The following CAMTA1 variants were observed in gnomAD, a reference collection of about 807,000 sequenced individuals.
CAMTA1 encodes calmodulin binding transcription activator 1.
Under a neutral mutation model 170.9 loss-of-function variants are expected in CAMTA1, and 27 were observed. The ratio of observed to expected loss-of-function variants is 0.16; its 90% CI spans 0.12 to 0.22. CAMTA1 has a LOEUF of 0.22. CAMTA1 is among the 10% of genes least tolerant of loss of function. The pLI is 1.00. For synonymous variants in CAMTA1, 833 were observed against 891.5 expected (o/e 0.93, Z 1.17); for missense variants, 1,619 against 2,217.2 (o/e 0.73, Z 5.42).
chr1:7,028,234 T>C (rs1218290653), intron 3 of CAMTA1, among the ~76,000 whole-genome samples: 2 of 152,170 alleles, frequency 1.3e-5, no homozygotes, highest in Admixed American at 6.5e-5. Flanking sequence ...CTGACACTTT[T>C]CTGGGCCCAA....
At position 7,021,269 on chromosome 1, in the gene CAMTA1, G is replaced by A. The variant is rs1181043182; in HGVS notation, c.235-70035G>A. Among the ~76,000 whole-genome samples the A allele has an allele frequency of 5.9e-5, 9 of 152,378 alleles. No homozygotes were observed. The East Asian group carries it at 1.5e-3, about 26-fold the overall frequency. On this transcript the variant is annotated intron_variant, in intron 3 of 22. Coordinates refer to ENST00000303635, the MANE Select transcript of CAMTA1 (RefSeq NM_015215.4). ...GTGAAAAATGGGGCGGTGCGATGGAGTAGGAAGGTGCGGGGTCTCTGCTGG... is the reference window on the plus strand; with the variant it reads ...GTGAAAAATGGGGCGGTGCGATGGAATAGGAAGGTGCGGGGTCTCTGCTGG...
At chr1:7,337,595 A>C (rs112693740) in intron 5 of CAMTA1, among the ~76,000 whole-genome samples, 11 of 123,546 alleles carry the variant, frequency 8.9e-5, no homozygotes, top group Admixed American at 4.1e-4. Context: ...CAGTGTGGGC[A>C]GTGGGCCTCA....
At chr1:6,939,805 G>C (rs1686112938) in intron 3 of CAMTA1, among the ~76,000 whole-genome samples, 1 of 152,256 alleles carries the variant, frequency 6.6e-6, no homozygotes, top group Non-Finnish European at 1.5e-5. Flanking sequence ...TCCTCTCCAA[G>C]GCTTCTGCCT....
intron 5 of CAMTA1, among the ~76,000 whole-genome samples, chr1:7,445,895 T>C (rs2092667321): frequency 6.6e-6 from 1 of 152,092 alleles, no homozygotes; most frequent in South Asian, 2.1e-4. Flanking sequence ...GATGGTGTCA[T>C]GAATGGAGCT....
At chr1:7,362,536 G>A (rs1402804167) in intron 5 of CAMTA1, among the ~76,000 whole-genome samples, 11 of 151,356 alleles carry the variant, frequency 7.3e-5, no homozygotes, top group Admixed American at 2.0e-4. Flanking sequence ...CATGGGTACC[G>A]ATGGTGACCT....
chr1:7,514,831 C>T (rs948912717), intron 6 of CAMTA1, among the ~76,000 whole-genome samples: 1 of 152,160 alleles, frequency 6.6e-6, no homozygotes, highest in African/African-American at 2.4e-5. Flanking sequence ...CCAAGAGGCC[C>T]GCCCCCCACC....
At chr1:7,461,824 ATAC>A (rs1395573987) in intron 5 of CAMTA1, among the ~76,000 whole-genome samples, 1 of 152,262 alleles carries the variant, frequency 6.6e-6, no homozygotes, top group Non-Finnish European at 1.5e-5. Flanking sequence ...ATGCATGCTC[ATAC>A]TCAGGACCAG....
At chr1:7,422,259 C>G (rs928042924) in intron 5 of CAMTA1, among the ~76,000 whole-genome samples, 1 of 151,962 alleles carries the variant, frequency 6.6e-6, no homozygotes, top group Non-Finnish European at 1.5e-5. Context: ...ATGCTAGGAG[C>G]TGAAGGGAGA....
Position 7,498,406 on chromosome 1 carries a change from A to AGTGTGTATGAGTGTGTGGATGTGC in CAMTA1, c.510+30523_510+30546dup, listed in dbSNP as rs1557818451. Among the ~76,000 whole-genome samples the AGTGTGTATGAGTGTGTGGATGTGC allele has an allele frequency of 8.4e-5, 12 of 143,438 alleles. No individual in the cohort carries two copies. In the East Asian group the frequency reaches 2.5e-3, roughly 30 times the overall value. 94.1% of individuals were successfully genotyped at this position (143,438 alleles called of 152,430 possible). The stretch of plus-strand genomic sequence containing the variant: ...GGATGTGTGTGAGTGAATGTGTATG[A>AGTGTGTATGAGTGTGTGGATGTGC]GTGTGTATGAGTGTGTGGATGTGCG... On this transcript the variant is annotated intron_variant, in intron 6 of 22. Coordinates refer to ENST00000303635, the MANE Select transcript of CAMTA1 (RefSeq NM_015215.4).
intron 2 of CAMTA1, 53 bp downstream of exon 2, chr1:6,820,303 C>CA: frequency 2.5e-6 from 4 of 1,593,830 alleles, no homozygotes; most frequent in Non-Finnish European, 3.4e-6. Context: ...TTGGCAGTGG[C>CA]AGTAATTATC....
At chr1:7,297,305 G>A (rs1266899588) in intron 5 of CAMTA1, among the ~76,000 whole-genome samples, 1 of 152,172 alleles carries the variant, frequency 6.6e-6, no homozygotes, top group Non-Finnish European at 1.5e-5. Context: ...TCTTGGTCTG[G>A]TCAGGCTTGG....
chr1:7,404,625 C>T (rs1319808200), intron 5 of CAMTA1, among the ~76,000 whole-genome samples: 2 of 152,170 alleles, frequency 1.3e-5, no homozygotes, highest in Non-Finnish European at 2.9e-5. Flanking sequence ...GCTTGAGCTG[C>T]AGGCCCACGT....
chr1:7,766,489 T>TG lies in CAMTA1; in HGVS notation c.5021dup (p.Ter1674TrpfsTer9). ...AAGAATTGAAAAAGGCCAAGGAACT[T>TG]GAAGACATACAGCAGCATCCCTTAG... is the stretch of plus-strand genomic sequence containing the variant. On this transcript the variant is annotated frameshift_variant and stop_lost, in exon 23 of 23. Coordinates refer to ENST00000303635, the MANE Select transcript of CAMTA1 (RefSeq NM_015215.4). LOFTEE classifies it high-confidence loss of function. 1 of 1,614,084 alleles carries TG rather than the reference T, an allele frequency of 6.2e-7. No individual in the cohort carries two copies. Among genetic ancestry groups the TG allele is most frequent in the Non-Finnish European group, 8.5e-7 (1 of 1,179,936 alleles).
chr1:7,728,315 G>A (rs116257068), intron 11 of CAMTA1, among the ~76,000 whole-genome samples: 3 of 152,348 alleles, frequency 2.0e-5, no homozygotes, highest in Non-Finnish European at 2.9e-5. Flanking sequence ...CAGCTGATGC[G>A]GGGACCGCAC....
At chr1:7,194,951 T>G (rs918210038) in intron 4 of CAMTA1, among the ~76,000 whole-genome samples, 2 of 152,228 alleles carry the variant, frequency 1.3e-5, no homozygotes, top group Non-Finnish European at 2.9e-5. Context: ...CAATCATTTG[T>G]TTTTGAGATT....
At chr1:7,202,725 T>C (rs917131461) in intron 4 of CAMTA1, among the ~76,000 whole-genome samples, 1 of 152,214 alleles carries the variant, frequency 6.6e-6, no homozygotes, top group African/African-American at 2.4e-5. Flanking sequence ...TATATATTGA[T>C]CTTGTAACCT....
At position 7,565,072 on chromosome 1, in the gene CAMTA1, C is replaced by A. The variant is rs1478415249; in HGVS notation, c.511-75328C>A. 6.6e-6 allele frequency among the ~76,000 whole-genome samples: 1 copy of A among 151,700 alleles called. No individual in the cohort carries two copies. Among genetic ancestry groups the A allele is most frequent in the Non-Finnish European group, 1.5e-5 (1 of 67,878 alleles). On this transcript the variant is annotated intron_variant, in intron 6 of 22. Coordinates refer to ENST00000303635, the MANE Select transcript of CAMTA1 (RefSeq NM_015215.4). The surrounding 1 kb of genome is among the most constrained non-coding windows in gnomAD (Gnocchi z 4.5). ...AGGCCCCTCAGGGAGGTGAGGGACC[C>A]AAAGCAGAGGGGCTGTGGGTGCCAG...
At chr1:7,277,456 GGTGTGTGTGTGTGTGT>G (rs57970990) in intron 5 of CAMTA1, among the ~76,000 whole-genome samples, 13 of 135,322 alleles carry the variant, frequency 9.6e-5, no homozygotes, top group Non-Finnish European at 1.7e-4. Context: ...TCCAAGCAAT[GGTGTGTGTGTGTGTGT>G]GTGTGTGTGT....
chr1:7,627,944 GT>G (rs758127986), intron 6 of CAMTA1, among the ~76,000 whole-genome samples: 4 of 152,238 alleles, frequency 2.6e-5, no homozygotes, highest in Non-Finnish European at 4.4e-5. Context: ...TCTGAATTGT[GT>G]GGTGGAAAGA....
Sources: gnomAD v4.1 joint callset for allele counts (sites outside exome capture counted in the v4.1 genomes callset) on GRCh38, gnomAD v4.1.1 for gene constraint, Gnocchi (gnomAD v3.1) non-coding constraint, MANE v1.5 for transcripts, NCBI Gene and HGNC (gene_info 2026-07-23, HGNC 2026-07-21) for gene names.